SYNE1: variants seen among roughly 807,000 people sequenced by gnomAD.
SYNE1 encodes the protein spectrin repeat containing nuclear envelope protein 1.
SYNE1 carries 616 observed loss-of-function variants against 1,111.0 expected under a neutral mutation model. That is an observed-to-expected ratio of 0.55 (90% confidence interval 0.52 to 0.59). SYNE1 has a LOEUF of 0.59. Ranked by LOEUF, SYNE1 falls within the 20% of genes least tolerant of loss-of-function variation. The pLI is 0.00. For missense variants in SYNE1, 10,006 were observed against 10,417.0 expected (o/e 0.96, Z 1.72); for synonymous variants, 3,855 against 3,825.8 (o/e 1.01, Z -0.28).
At chr6:152,626,382 C>T (rs1242656436) in intron 3 of SYNE1, among the ~76,000 whole-genome samples, 2 of 152,110 alleles carry the variant, frequency 1.3e-5, no homozygotes, top group Non-Finnish European at 2.9e-5. Context: ...AGGGACTCAC[C>T]GACTTCCTTT....
rs1588299353 is a variant in SYNE1 at position 152,230,433 on chromosome 6, C to T, written c.21195+114G>A. ...AATCAGCAAAATTTGTTACTAAATGCAACTTTTAAATATTTAAAAAAATAT... is the reference window on the plus strand; with the variant it reads ...AATCAGCAAAATTTGTTACTAAATGTAACTTTTAAATATTTAAAAAAATAT... On this transcript the variant is annotated intron_variant, in intron 115 of 145. Coordinates refer to ENST00000367255, the MANE Select transcript of SYNE1 (RefSeq NM_182961.4). 1.2e-5 allele frequency: 14 copies of T among 1,167,902 alleles called. No homozygotes were observed. The East Asian group carries it at 3.3e-4, about 27-fold the overall frequency. 72.3% of individuals were successfully genotyped at this position (1,167,902 alleles called of 1,614,324 possible).
chr6:152,427,509 C>A (rs924851863), intron 38 of SYNE1, 184 bp downstream of exon 38: 5 of 673,578 alleles, frequency 7.4e-6, no homozygotes, highest in African/African-American at 5.4e-5. Context: ...TTGTTAGTTT[C>A]TCTCCCTTTC....
intron 98 of SYNE1, among the ~76,000 whole-genome samples, chr6:152,274,913 G>A (rs1051891777): frequency 7.2e-5 from 11 of 151,916 alleles, no homozygotes; most frequent in African/African-American, 1.2e-4. Context: ...TTTAGTTGGC[G>A]TCTCACACTG....
At chr6:152,542,681 CT>C (rs1266521142) in intron 3 of SYNE1, among the ~76,000 whole-genome samples, 1 of 152,054 alleles carries the variant, frequency 6.6e-6, no homozygotes, top group African/African-American at 2.4e-5. Context: ...TATACTGTCA[CT>C]CAAGGGTAGC....
At chr6:152,521,148 A>C (rs1298147254) in intron 5 of SYNE1, among the ~76,000 whole-genome samples, 1 of 152,170 alleles carries the variant, frequency 6.6e-6, no homozygotes, top group Non-Finnish European at 1.5e-5. Context: ...CACTGTATTA[A>C]TCATTTGAGA....
At position 152,148,342 on chromosome 6, in the gene SYNE1, G is replaced by T; in HGVS notation, c.24679C>A (p.Leu8227Met). The change falls in exon 137 of 146, where the codon CTG becomes ATG. Residue 8227 changes from leucine to methionine, a missense_variant. Physicochemically the swap from Leu to Met is conservative, Grantham distance 15. Around this residue, in one of 7 missense-constraint regions of SYNE1, gnomAD observed 761 missense variants for 795.5 expected, o/e 0.96. Transcript: ENST00000367255. This position sits in a 1 kb window ranked among gnomAD's most constrained non-coding sequence, Gnocchi z 4.1. ...AGAGCTGCAGAGTCTTCCAGCTCCA[G>T]CTCCCTGTCTGAGAGGTCGTGCTCA... ...DDEHDLSDRELELEDSAALSD... is the reference protein window; with the variant it reads ...DDEHDLSDREMELEDSAALSD... The T allele has an allele frequency of 6.2e-7, 1 of 1,614,176 alleles. No homozygotes were observed. Among genetic ancestry groups the T allele is most frequent in the Non-Finnish European group, 8.5e-7 (1 of 1,180,022 alleles).
Position 152,502,731 on chromosome 6 carries a change from C to A in SYNE1, c.790G>T (p.Asp264Tyr). ...RLLDPEDVDVDKPDEKSIMTY... is the reference protein window; with the variant it reads ...RLLDPEDVDVYKPDEKSIMTY... Reference sequence around the variant, plus strand: ...ATAATAGATTTCTCATCTGGTTTATCCACATCAACGTCTGAAAAAACAAAA... The same window carrying A: ...ATAATAGATTTCTCATCTGGTTTATACACATCAACGTCTGAAAAAACAAAA... Residue 264 changes from aspartate to tyrosine, a missense_variant, in exon 10 of 146, where the codon GAT (aspartate) becomes TAT (tyrosine). This residue lies in a region of SYNE1 where 1,971 missense variants were observed against 2,084.1 expected (regional missense o/e 0.95). Coordinates refer to ENST00000367255, the MANE Select transcript of SYNE1 (RefSeq NM_182961.4). 6.2e-7 allele frequency: 1 copy of A among 1,611,820 alleles called. No homozygotes were observed. Among genetic ancestry groups the A allele is most frequent in the Non-Finnish European group, 8.5e-7 (1 of 1,178,142 alleles).
Position 152,136,830 on chromosome 6 carries a change from A to C in SYNE1, c.25459-12T>G. On this transcript the variant is annotated splice_polypyrimidine_tract_variant and intron_variant, in intron 140 of 145. Coordinates refer to ENST00000367255, the MANE Select transcript of SYNE1 (RefSeq NM_182961.4). Reference sequence around the variant, plus strand: ...GCTTTCTGGAGCTCCTGAAAAGAACAAAAAAGACAATCAAACAAGGACAAT... The same window carrying C: ...GCTTTCTGGAGCTCCTGAAAAGAACCAAAAAGACAATCAAACAAGGACAAT... 6.2e-7 allele frequency: 1 copy of C among 1,613,002 alleles called. No individual in the cohort carries two copies. Among genetic ancestry groups the C allele is most frequent in the Non-Finnish European group, 8.5e-7 (1 of 1,178,980 alleles).
chr6:152,546,744 T>C (rs2099315284), intron 3 of SYNE1: 1 of 152,224 alleles, frequency 6.6e-6, no homozygotes, highest in Non-Finnish European at 1.5e-5. Flanking sequence ...ACATACTTCA[T>C]TGATTTCCTC....
chr6:152,234,652 A>G lies in SYNE1; in HGVS notation c.20529+16T>C. 6.2e-7 allele frequency: 1 copy of G among 1,614,056 alleles called. No individual in the cohort carries two copies. The highest frequency in any genetic ancestry group is 1.1e-5 in the South Asian group (1 of 91,084). ...CTTATAGGCCTGAATCAAATGCTTT[A>G]GATTCTTAGACTTACCAGGAAAGCA... is the stretch of plus-strand genomic sequence containing the variant. On this transcript the variant is annotated intron_variant, in intron 111 of 145. Transcript: ENST00000367255.
chr6:152,254,874 A>G lies in SYNE1; in HGVS notation c.19470+6T>C. 6.2e-7 allele frequency: 1 copy of G among 1,611,606 alleles called. No individual in the cohort carries two copies. On this transcript the variant is annotated splice_donor_region_variant and intron_variant, in intron 104 of 145. Transcript: ENST00000367255. ...GTCACGTATCCTTTGATAATATCTTACTTACCTGGAAATTTAGTATTTGCT... is the reference window on the plus strand; with the variant it reads ...GTCACGTATCCTTTGATAATATCTTGCTTACCTGGAAATTTAGTATTTGCT...
chr6:152,217,472 G>A (rs2079033875), intron 121 of SYNE1, among the ~76,000 whole-genome samples: 1 of 151,834 alleles, frequency 6.6e-6, no homozygotes, highest in Non-Finnish European at 1.5e-5. Context: ...TATGGAGTAT[G>A]ATATGATGTT....
chr6:152,628,752 CATAA>C (rs1219206526), intron 2 of SYNE1, among the ~76,000 whole-genome samples, 198 bp from the exon 3 acceptor site: 1 of 152,072 alleles, frequency 6.6e-6, no homozygotes, highest in Non-Finnish European at 1.5e-5. Flanking sequence ...AAAATAAATA[CATAA>C]ATGAGACATA....
At chr6:152,232,288 C>A (rs751843168) in intron 112 of SYNE1, 23 bp from the exon 113 acceptor site, 4 of 1,613,584 alleles carry the variant, frequency 2.5e-6, no homozygotes, top group South Asian at 1.1e-5. Context: ...GGGAGAGAAC[C>A]AGTCCCAAGT....
At position 152,343,815 on chromosome 6, in the gene SYNE1, G is replaced by A. The variant is rs368761362; in HGVS notation, c.12225+266C>T. Among the ~76,000 whole-genome samples, 409 of 152,020 alleles carry A rather than the reference G, an allele frequency of 2.7e-3. 2 individuals are homozygous for A. Among genetic ancestry groups the A allele is most frequent in the African/African-American group, 6.9e-3 (287 of 41,482 alleles). On this transcript the variant is annotated intron_variant, in intron 74 of 145. Coordinates refer to ENST00000367255, the MANE Select transcript of SYNE1 (RefSeq NM_182961.4). Reference sequence around the variant, plus strand: ...GCTCCTGGCCTCAAGTGATTCGCCCGTTTTGGCCTCCCAAAGTGCTGGGAT... The same window carrying A: ...GCTCCTGGCCTCAAGTGATTCGCCCATTTTGGCCTCCCAAAGTGCTGGGAT...
intron 22 of SYNE1, among the ~76,000 whole-genome samples, chr6:152,458,316 A>G (rs1282576971): frequency 6.6e-6 from 1 of 152,184 alleles, no homozygotes; most frequent in Non-Finnish European, 1.5e-5. Context: ...TCACAGAGAC[A>G]TTGTGAACTT....
At chr6:152,228,944 AT>A (rs1430931988) in intron 115 of SYNE1, among the ~76,000 whole-genome samples, 1 of 152,082 alleles carries the variant, frequency 6.6e-6, no homozygotes, top group African/African-American at 2.4e-5. Context: ...AAAAACTATT[AT>A]TACTTCAAGG....
rs2057140138 is a variant in SYNE1 at position 152,136,608 on chromosome 6, CT to C, written c.25659+9del. 2 of 1,612,924 alleles carry C rather than the reference CT, an allele frequency of 1.2e-6. No homozygotes were observed. Among genetic ancestry groups the C allele is most frequent in the Non-Finnish European group, 1.7e-6 (2 of 1,180,022 alleles). On this transcript the variant is annotated intron_variant, in intron 141 of 145. Coordinates refer to ENST00000367255, the MANE Select transcript of SYNE1 (RefSeq NM_182961.4). ...TCTCTGAGTCACCTCCTGCCCAAAG[CT>C]CTACAGACCTGGCACTGCATCAGGG...
intron 91 of SYNE1, among the ~76,000 whole-genome samples, chr6:152,305,148 T>TATTC (rs2095331709): frequency 1.3e-5 from 2 of 152,218 alleles, no homozygotes; most frequent in African/African-American, 2.4e-5. Flanking sequence ...CAGTCTCTGG[T>TATTC]ATTCATGAGC....
Sources: allele counts gnomAD v4.1 joint callset (sites outside exome capture counted in the v4.1 genomes callset), GRCh38; gene constraint gnomAD v4.1.1; regional missense constraint gnomAD v4.1.1; non-coding constraint Gnocchi (gnomAD v3.1); transcripts MANE v1.5; gene names NCBI Gene and HGNC (gene_info 2026-07-23, HGNC 2026-07-21).